Variants in CLDN14 observed in about 807,000 individuals in gnomAD.
The protein encoded by CLDN14 is claudin-14.
In CLDN14, 2 loss-of-function variants were observed where a neutral mutation model predicts 2.1. That is an observed-to-expected ratio of 0.96 (90% CI 0.39 to 3.01). The LOEUF (loss-of-function observed/expected upper bound fraction) is 3.01, where lower values mean the gene tolerates loss of function less well. CLDN14 is among the 30% of genes most tolerant of loss of function. The pLI, the probability that CLDN14 is intolerant of heterozygous loss-of-function variation, is 0.09. For synonymous variants in CLDN14, 136 were observed against 154.4 expected (o/e 0.88, Z 0.88); for missense variants, 298 against 328.0 (o/e 0.91, Z 0.71).
At chr21:36,468,835 G>A (rs1337030426) in intron 1 of CLDN14, among the ~76,000 whole-genome samples, 1 of 151,178 alleles carries the variant, frequency 6.6e-6, no homozygotes, top group Admixed American at 6.6e-5. Context: ...TCTTGGCTCA[G>A]TGCAACCTCT....
intron 1 of CLDN14, among the ~76,000 whole-genome samples, chr21:36,534,597 A>G (rs1285802793): frequency 1.3e-5 from 2 of 152,188 alleles, no homozygotes; most frequent in African/African-American, 2.4e-5. Context: ...GACAATCACC[A>G]TGGCACCATC....
intron 1 of CLDN14, among the ~76,000 whole-genome samples, chr21:36,463,650 T>C (rs1426340963): frequency 6.6e-6 from 1 of 152,086 alleles, no homozygotes; most frequent in Non-Finnish European, 1.5e-5. Flanking sequence ...AGGCGGAGGT[T>C]TCAGTGAGAC....
intron 2 of CLDN14, chr21:36,486,391 C>T: frequency 9.5e-7 from 1 of 1,047,386 alleles, no homozygotes; most frequent in African/African-American, 1.6e-5. Flanking sequence ...GCTGCAGCTG[C>T]TCGTCTGGGC....
chr21:36,520,587 C>T (rs1250014729), intron 1 of CLDN14, among the ~76,000 whole-genome samples: 1 of 152,152 alleles, frequency 6.6e-6, no homozygotes, highest in Admixed American at 6.5e-5. Flanking sequence ...GTGAGGCCTC[C>T]CAGCCATGTG....
upstream of CLDN14, among the ~76,000 whole-genome samples, chr21:36,481,885 G>A: frequency 6.6e-6 from 1 of 152,210 alleles, no homozygotes; most frequent in East Asian, 1.9e-4. Flanking sequence ...ATGAGTAGCA[G>A]GGAGCCTGGC....
intron 2 of CLDN14, among the ~76,000 whole-genome samples, chr21:36,496,436 CAAAAAA>C (rs60272055): frequency 1.0e-5 from 1 of 95,498 alleles, no homozygotes; most frequent in African/African-American, 4.4e-5. Flanking sequence ...GACCTTGTTT[CAAAAAA>C]AAAAAAAAAA....
At chr21:36,494,816 G>A (rs2087000827) in intron 2 of CLDN14, among the ~76,000 whole-genome samples, 1 of 152,334 alleles carries the variant, frequency 6.6e-6, no homozygotes, top group South Asian at 2.1e-4. Flanking sequence ...ATAAATGCCT[G>A]TTGTTTAAGC....
intron 2 of CLDN14, among the ~76,000 whole-genome samples, chr21:36,488,473 TG>T: frequency 6.6e-6 from 1 of 152,200 alleles, no homozygotes; most frequent in Non-Finnish European, 1.5e-5. Context: ...GGTTTCACCA[TG>T]TTGGCCAGGA....
Position 36,555,854 on chromosome 21 carries a change from A to T in CLDN14, c.-220+20557T>A, listed in dbSNP as rs866554897. The stretch of plus-strand genomic sequence containing the variant: ...GTGTGTGTGTGTGTGTGTGTGTGAG[A>T]GAGAGAGAGTGTGTGTGTGTGTGCA... On this transcript the variant is annotated intron_variant, in intron 1 of 2. Coordinates refer to the CLDN14 transcript ENST00000342108. 3.0e-3 allele frequency among the ~76,000 whole-genome samples: 430 copies of T among 144,510 alleles called. 2 individuals carry two copies. Among genetic ancestry groups the T allele is most frequent in the African/African-American group, 0.011 (401 of 37,932 alleles). The allele number at this position is 144,510 out of a possible 152,430, so 94.8% of individuals were successfully genotyped here. A position where few individuals can be genotyped will look rare whatever the true frequency, so the allele number is the denominator to read the frequency against.
At chr21:36,488,752 C>T (rs530126254) in intron 2 of CLDN14, among the ~76,000 whole-genome samples, 82 of 152,100 alleles carry the variant, frequency 5.4e-4, no homozygotes, top group African/African-American at 1.7e-3. Flanking sequence ...GCATGATATG[C>T]GTGTACTTAA....
chr21:36,550,365 A>T (rs2087554781), intron 1 of CLDN14, among the ~76,000 whole-genome samples: 1 of 152,120 alleles, frequency 6.6e-6, no homozygotes, highest in African/African-American at 2.4e-5. Flanking sequence ...TCTCCCCCTG[A>T]CCCCAAAAGT....
intron 2 of CLDN14, among the ~76,000 whole-genome samples, chr21:36,509,292 G>C (rs1016793555): frequency 5.9e-5 from 9 of 152,218 alleles, no homozygotes; most frequent in Admixed American, 2.6e-4. Flanking sequence ...ACAGGCTGGA[G>C]AACGCAACTG....
intron 1 of CLDN14, among the ~76,000 whole-genome samples, chr21:36,533,832 G>C (rs1456783969): frequency 6.6e-6 from 1 of 152,168 alleles, no homozygotes; most frequent in African/African-American, 2.4e-5. Flanking sequence ...ACACACTGGG[G>C]CCTACCTGGG....
chr21:36,567,082 A>G (rs1380626095), intron 1 of CLDN14, among the ~76,000 whole-genome samples: 1 of 152,220 alleles, frequency 6.6e-6, no homozygotes, highest in Non-Finnish European at 1.5e-5. Context: ...CCTGGATTGC[A>G]TCAAGTACGT....
At position 36,544,220 on chromosome 21, in the gene CLDN14, G is replaced by C. The variant is rs1419632345; in HGVS notation, c.-220+32191C>G. On this transcript the variant is annotated intron_variant, in intron 1 of 2. Transcript: ENST00000342108. The surrounding 1 kb of genome is among the most constrained non-coding windows in gnomAD (Gnocchi z 4.1). Reference sequence around the variant, plus strand: ...TACACCTTGGGCAGGTCCTTGCCCTGGGCCCCCTCTGCTGCCATCCATCCC... The same window carrying C: ...TACACCTTGGGCAGGTCCTTGCCCTCGGCCCCCTCTGCTGCCATCCATCCC... Among the ~76,000 whole-genome samples the C allele has an allele frequency of 6.6e-6, 1 of 152,172 alleles. No homozygotes were observed. The highest frequency in any genetic ancestry group is 1.5e-5 in the Non-Finnish European group (1 of 68,028).
At chr21:36,559,872 G>A (rs1027718432) in intron 1 of CLDN14, among the ~76,000 whole-genome samples, 1 of 152,124 alleles carries the variant, frequency 6.6e-6, no homozygotes, top group African/African-American at 2.4e-5. Flanking sequence ...AGTTTTTCAT[G>A]ATCAAAGGAA....
rs183006676 is a variant in CLDN14, at chr21:36,537,419, T to A, written c.-219-26919A>T. On this transcript the variant is annotated intron_variant, in intron 1 of 2. Coordinates refer to the CLDN14 transcript ENST00000342108. The stretch of plus-strand genomic sequence containing the variant: ...GATCCTGCTTTATTTTTTATTTTTT[T>A]AAAAAAGCTATAAAAGATGTTTTGG... Among the ~76,000 whole-genome samples the A allele has an allele frequency of 9.6e-3, 1,465 of 152,278 alleles. 22 individuals carry two copies. Among genetic ancestry groups the A allele is most frequent in the African/African-American group, 0.033 (1,380 of 41,558 alleles).
chr21:36,502,192 C>T (rs1414360932), intron 2 of CLDN14, among the ~76,000 whole-genome samples: 3 of 152,122 alleles, frequency 2.0e-5, no homozygotes, highest in African/African-American at 4.8e-5. Flanking sequence ...AATTATTATC[C>T]GAATTGTGCA....
rs546709960 is a variant in CLDN14, at chr21:36,498,350, A to G, written c.-82+12013T>C. 2.0e-5 allele frequency among the ~76,000 whole-genome samples: 3 copies of G among 152,290 alleles called. No homozygotes were observed. Among genetic ancestry groups the G allele is most frequent in the East Asian group, 1.9e-4 (1 of 5,188 alleles). On this transcript the variant is annotated intron_variant, in intron 2 of 2. Transcript: ENST00000342108. This position sits in a 1 kb window ranked among gnomAD's most constrained non-coding sequence, Gnocchi z 4.9. ...ACAATTGTGAGTGGAAAGAGAAGAA[A>G]AAAAGTAAAATAATAATACTAATAA...
Sources: allele counts gnomAD v4.1 joint callset (sites outside exome capture counted in the v4.1 genomes callset), GRCh38; gene constraint gnomAD v4.1.1; non-coding constraint Gnocchi (gnomAD v3.1); transcripts MANE v1.5; gene names NCBI Gene and HGNC (gene_info 2026-07-23, HGNC 2026-07-21).